HSP90B1: variants seen among roughly 807,000 people sequenced by gnomAD.
The protein encoded by HSP90B1 is endoplasmin.
In HSP90B1, 27 loss-of-function variants were observed where a neutral mutation model predicts 100.4. The observed-to-expected ratio is 0.27, with a 90% CI of 0.20 to 0.37. HSP90B1 has a LOEUF of 0.37. Ranked by LOEUF, HSP90B1 falls within the 10% of genes least tolerant of loss-of-function variation. The pLI, the probability that HSP90B1 is intolerant of heterozygous loss-of-function variation, is 1.00. For missense variants in HSP90B1, 678 were observed against 960.5 expected, an observed-to-expected ratio of 0.71 and a Z score of 3.89; for synonymous variants, 304 against 330.8, an observed-to-expected ratio of 0.92 and a Z score of 0.88.
chr12:103,946,209 ACT>A (rs1870224164), intron 14 of HSP90B1, among the ~76,000 whole-genome samples: 1 of 151,742 alleles, frequency 6.6e-6, no homozygotes, highest in Admixed American at 6.6e-5. Context: ...AGGTTGATTG[ACT>A]CTGCAGATAA....
At chr12:103,935,780 A>G (rs138726901) in intron 5 of HSP90B1, among the ~76,000 whole-genome samples, 171 of 152,350 alleles carry the variant, frequency 1.1e-3, no homozygotes, top group African/African-American at 3.8e-3. Context: ...TCCCAAGGAA[A>G]GATAGAAAGT....
chr12:103,941,267 C>T (rs1009175675), intron 8 of HSP90B1, 143 bp from the exon 9 acceptor site: 7 of 703,896 alleles, frequency 9.9e-6, no homozygotes, highest in African/African-American at 8.9e-5. Context: ...CCTTTTCTTT[C>T]TCTTCCCCAC....
At position 103,930,893 on chromosome 12, in the gene HSP90B1, T is replaced by TC. The variant is rs1166218984; in HGVS notation, c.49+330dup. ...CCCCCTCCCCGCCCGGAGGACTTTT[T>TC]CGGCCACCGCAACCTTCGGCCATCC... On this transcript the variant is annotated intron_variant, in intron 1 of 17. Coordinates refer to ENST00000299767, the MANE Select transcript of HSP90B1 (RefSeq NM_003299.3). The surrounding 1 kb of genome is among the most constrained non-coding windows in gnomAD (Gnocchi z 4.4). Among the ~76,000 whole-genome samples, 4 of 142,934 alleles carry TC rather than the reference T, an allele frequency of 2.8e-5. No homozygotes were observed. Among genetic ancestry groups the TC allele is most frequent in the African/African-American group, 5.1e-5 (2 of 39,292 alleles). 93.8% of individuals were successfully genotyped at this position (142,934 alleles called of 152,430 possible).
intron 16 of HSP90B1, 72 bp downstream of exon 16, chr12:103,947,013 C>A: frequency 6.8e-7 from 1 of 1,476,030 alleles, no homozygotes; most frequent in Non-Finnish European, 9.2e-7. Flanking sequence ...ATAGGCCTCT[C>A]ATGATTGAGG....
Position 103,938,093 on chromosome 12 carries a change from C to T in HSP90B1, c.856-247C>T, listed in dbSNP as rs1566166205. ...GGCTGAAGCAGGAGAATTGCTTGAA[C>T]CCGGGAGACGGAGGTTGCAGTGAGC... On this transcript the variant is annotated intron_variant, in intron 6 of 17. Coordinates refer to ENST00000299767, the MANE Select transcript of HSP90B1 (RefSeq NM_003299.3). 3.5e-5 allele frequency: 14 copies of T among 400,772 alleles called. No individual in the cohort carries two copies. In the South Asian group the frequency reaches 3.8e-4, roughly 11 times the overall value. The allele number at this position is 400,772 out of a possible 1,614,324, so 24.8% of individuals were successfully genotyped here.
At chr12:103,942,821 C>T (rs775827296) in intron 12 of HSP90B1, 25 bp downstream of exon 12, 15 of 1,609,650 alleles carry the variant, frequency 9.3e-6, no homozygotes, top group Non-Finnish European at 1.3e-5. Flanking sequence ...TAAGTGTTGT[C>T]AGCCATTCTG....
Position 103,941,487 on chromosome 12 carries a change from C to T in HSP90B1, c.1170C>T (p.Pro390=), listed in dbSNP as rs778036121. Reference sequence around the variant, plus strand: ...CCTTCAAATCAATTTTATTTGTACCCACATCTGCTCCACGTGGTCTGTTTG... The same window carrying T: ...CCTTCAAATCAATTTTATTTGTACCTACATCTGCTCCACGTGGTCTGTTTG... ...EVTFKSILFV[P]TSAPRGLFDE... is the part of the protein sequence containing the mutation. The change falls in exon 9 of 18, where the codon CCC becomes CCT. Residue 390 remains proline, a synonymous_variant. Coordinates refer to ENST00000299767, the MANE Select transcript of HSP90B1 (RefSeq NM_003299.3). 7.4e-6 allele frequency: 12 copies of T among 1,613,784 alleles called. No individual in the cohort carries two copies. Among genetic ancestry groups the T allele is most frequent in the African/African-American group, 1.3e-5 (1 of 74,914 alleles).
chr12:103,947,526 A>T, intron 17 of HSP90B1, 96 bp downstream of exon 17: 5 of 1,598,162 alleles, frequency 3.1e-6, no homozygotes, highest in Non-Finnish European at 4.3e-6. Flanking sequence ...TAACTTACAG[A>T]AGTCAGACTG....
At chr12:103,932,713 AT>A (rs1379781712) in intron 3 of HSP90B1, 112 bp from the exon 4 acceptor site, 1 of 709,970 alleles carries the variant, frequency 1.4e-6, no homozygotes, top group Non-Finnish European at 2.5e-6. Context: ...TGTTAGGTGA[AT>A]AAGAGTGCTT....
intron 5 of HSP90B1, 25 bp downstream of exon 5, chr12:103,934,312 GAATT>G: frequency 5.8e-6 from 9 of 1,543,276 alleles, no homozygotes; most frequent in Non-Finnish European, 8.0e-6. Context: ...TTCCTTATAA[GAATT>G]AATAGTCATG....
At chr12:103,934,679 T>C (rs1869859648) in intron 5 of HSP90B1, among the ~76,000 whole-genome samples, 1 of 152,190 alleles carries the variant, frequency 6.6e-6, no homozygotes. Flanking sequence ...GTGGCAGTTA[T>C]GGATAGAATG....
intron 16 of HSP90B1, 139 bp from the exon 17 acceptor site, chr12:103,947,172 G>C (rs1447969388): frequency 4.7e-5 from 59 of 1,242,714 alleles, no homozygotes; most frequent in Non-Finnish European, 6.1e-5. Flanking sequence ...TTGTTAGCTT[G>C]GCTGTTCATT....
At chr12:103,944,299 A>AT (rs1218910768) in intron 14 of HSP90B1, among the ~76,000 whole-genome samples, 1 of 152,172 alleles carries the variant, frequency 6.6e-6, no homozygotes, top group East Asian at 1.9e-4. Context: ...TCCAGATAGA[A>AT]TGTCTCATAA....
At position 103,930,549 on chromosome 12, in the gene HSP90B1, G is replaced by A. The variant is rs761866435; in HGVS notation, c.34G>A (p.Val12Ile). The stretch of plus-strand genomic sequence containing the variant: ...CCTGTGGGTGCTGGGCCTCTGCTGC[G>A]TCCTGCTGACCTTCGGTGAGTGATT... ...RALWVLGLCCVLLTFGSVRAD... is the reference protein window; with the variant it reads ...RALWVLGLCCILLTFGSVRAD... The change falls in exon 1 of 18, where the codon GTC becomes ATC. Residue 12 changes from valine to isoleucine, a missense_variant. This residue lies in a region of HSP90B1 where 88 missense variants were observed against 88.2 expected (regional missense o/e 1.00). Transcript: ENST00000299767. This position sits in a 1 kb window ranked among gnomAD's most constrained non-coding sequence, Gnocchi z 4.4. The A allele has an allele frequency of 8.7e-6, 14 of 1,610,372 alleles. No individual in the cohort carries two copies. In the South Asian group the frequency reaches 1.4e-4, roughly 17 times the overall value.
At chr12:103,942,866 G>C in intron 12 of HSP90B1, 70 bp downstream of exon 12, 1 of 1,553,656 alleles carries the variant, frequency 6.4e-7, no homozygotes, top group South Asian at 1.2e-5. Context: ...AACTCTTGAG[G>C]GGGAGAAAAG....
intron 3 of HSP90B1, 101 bp downstream of exon 3, chr12:103,932,519 A>G (rs1324299838): frequency 3.9e-6 from 4 of 1,015,272 alleles, no homozygotes; most frequent in Non-Finnish European, 5.8e-6. Flanking sequence ...TATCCAAGTA[A>G]GTAGGTAACA....
intron 14 of HSP90B1, among the ~76,000 whole-genome samples, chr12:103,946,300 T>C (rs1298745383): frequency 6.6e-6 from 1 of 152,176 alleles, no homozygotes; most frequent in Non-Finnish European, 1.5e-5. Flanking sequence ...TCCACAAATA[T>C]TCTAGTCCCC....
chr12:103,936,133 C>A (rs1869907551), intron 5 of HSP90B1, among the ~76,000 whole-genome samples: 1 of 152,172 alleles, frequency 6.6e-6, no homozygotes, highest in Non-Finnish European at 1.5e-5. Flanking sequence ...ACTGCCACGG[C>A]CTCAGGTTCC....
Position 103,946,839 on chromosome 12 carries a change from A to G in HSP90B1, c.2160A>G (p.Thr720=). The change falls in exon 16 of 18, where the codon ACA becomes ACG. Residue 720 remains threonine, a synonymous_variant. Transcript: ENST00000299767. The stretch of plus-strand genomic sequence containing the variant: ...ATCTTGCTGTGGTTTTGTTTGAAAC[A>G]GCAACGCTTCGGTCAGGGTATCTTT... ...VLDLAVVLFE[T]ATLRSGYLLP... 6.2e-7 allele frequency: 1 copy of G among 1,614,228 alleles called. No individual in the cohort carries two copies. Among genetic ancestry groups the G allele is most frequent in the Non-Finnish European group, 8.5e-7 (1 of 1,180,032 alleles).
Sources: allele counts gnomAD v4.1 joint callset (sites outside exome capture counted in the v4.1 genomes callset), GRCh38; gene constraint gnomAD v4.1.1; regional missense constraint gnomAD v4.1.1; non-coding constraint Gnocchi (gnomAD v3.1); transcripts MANE v1.5; gene names NCBI Gene and HGNC (gene_info 2026-07-23, HGNC 2026-07-21).